HCN1: variants seen among roughly 807,000 people sequenced by gnomAD.
HCN1 encodes the protein potassium/sodium hyperpolarization-activated cyclic nucleotide-gated channel 1.
HCN1 carries 13 observed loss-of-function variants against 78.9 expected under a neutral mutation model. The observed-to-expected ratio is 0.16, with a 90% confidence interval of 0.11 to 0.26. The LOEUF (loss-of-function observed/expected upper bound fraction) is 0.26, where lower values mean the gene tolerates loss of function less well. Among genes scored for constraint, HCN1 ranks in the 10% least tolerant of loss-of-function variants. The pLI, the probability that HCN1 is intolerant of heterozygous loss-of-function variation, is 1.00. For synonymous variants in HCN1, 552 were observed against 455.5 expected, an observed-to-expected ratio of 1.21 and a Z score of -2.70; for missense variants, 810 against 1,154.3, an observed-to-expected ratio of 0.70 and a Z score of 4.32.
chr5:45,458,711 G>C (rs1018675047), intron 3 of HCN1, among the ~76,000 whole-genome samples: 1 of 152,060 alleles, frequency 6.6e-6, no homozygotes, highest in African/African-American at 2.4e-5. Flanking sequence ...TTCTACTCTT[G>C]GTTCTATAAT....
Position 45,262,118 on chromosome 5 carries a change from C to A in HCN1, c.2476G>T (p.Gly826Cys), listed in dbSNP as rs1262369935. 1 of 1,612,678 alleles carries A rather than the reference C, an allele frequency of 6.2e-7. No homozygotes were observed. Among genetic ancestry groups the A allele is most frequent in the Non-Finnish European group, 8.5e-7 (1 of 1,179,144 alleles). The change falls in exon 8 of 8, where the codon GGC becomes TGC. Residue 826 changes from glycine (G) to cysteine (C), a missense_variant. By Grantham distance (159) the Gly-to-Cys change is radical. This residue lies in a region of HCN1 where 398 missense variants were observed against 381.3 expected (regional missense o/e 1.04). Transcript: ENST00000303230. ...GTGCTCCTGCCCCCTGCCTGAAGGC[C>A]CGTTCCGGGGACCGCCGTCACGGGT... ...PQPVTAVPGT[G>C]LQAGGRSTVP...
At chr5:45,464,056 G>T (rs181220002) in intron 2 of HCN1, among the ~76,000 whole-genome samples, 1 of 152,028 alleles carries the variant, frequency 6.6e-6, no homozygotes, top group Non-Finnish European at 1.5e-5. Flanking sequence ...AACTAGCATC[G>T]ATTCTTGGTA....
At chr5:45,676,579 T>C (rs760205834) in intron 1 of HCN1, among the ~76,000 whole-genome samples, 59 of 151,702 alleles carry the variant, frequency 3.9e-4, no homozygotes, top group Middle Eastern at 3.4e-3. Flanking sequence ...CAAAAGGAGG[T>C]AGAAGACATA....
intron 3 of HCN1, among the ~76,000 whole-genome samples, chr5:45,421,565 A>T (rs1301203203): frequency 6.6e-6 from 1 of 152,186 alleles, no homozygotes; most frequent in Non-Finnish European, 1.5e-5. Flanking sequence ...CAAAACAAAA[A>T]AAAACCAAGA....
chr5:45,620,171 A>G (rs1745028091), intron 2 of HCN1, among the ~76,000 whole-genome samples: 1 of 152,072 alleles, frequency 6.6e-6, no homozygotes, highest in South Asian at 2.1e-4. Flanking sequence ...GTGGCAAAAA[A>G]CAAGGAAAGA....
intron 4 of HCN1, among the ~76,000 whole-genome samples, chr5:45,371,040 C>T (rs779532729): frequency 4.6e-5 from 7 of 151,938 alleles, no homozygotes; most frequent in Non-Finnish European, 7.4e-5. Context: ...GACGTTGGGA[C>T]ATATATTGGG....
chr5:45,513,147 T>A (rs1742449134), intron 2 of HCN1, among the ~76,000 whole-genome samples: 1 of 152,118 alleles, frequency 6.6e-6, no homozygotes, highest in Admixed American at 6.5e-5. Context: ...GATTTTGGCA[T>A]TACCAGTAAA....
intron 4 of HCN1, among the ~76,000 whole-genome samples, chr5:45,381,521 C>T (rs767105632): frequency 7.2e-5 from 11 of 152,120 alleles, no homozygotes; most frequent in Non-Finnish European, 1.5e-4. Flanking sequence ...GATTCTTTCC[C>T]ATATGACAAT....
chr5:45,353,775 A>C (rs1746959523), intron 4 of HCN1, among the ~76,000 whole-genome samples: 1 of 151,954 alleles, frequency 6.6e-6, no homozygotes, highest in Non-Finnish European at 1.5e-5. Flanking sequence ...TGCCCTGTAA[A>C]TTACTGAGAA....
Position 45,589,222 on chromosome 5 carries a change from T to C in HCN1, c.849+55963A>G, listed in dbSNP as rs1744305590. Among the ~76,000 whole-genome samples, 3 of 152,136 alleles carry C rather than the reference T, an allele frequency of 2.0e-5. No individual in the cohort carries two copies. The South Asian group carries it at 6.2e-4, about 31-fold the overall frequency. ...TAATACACTGTGTGAGTAGGTGTGA[T>C]TGAAAGAGAAGGAGCAATGGGTGTC... On this transcript the variant is annotated intron_variant, in intron 2 of 7. Coordinates refer to ENST00000303230, the MANE Select transcript of HCN1 (RefSeq NM_021072.4).
chr5:45,482,227 T>G (rs1741669422), intron 2 of HCN1, among the ~76,000 whole-genome samples: 1 of 152,136 alleles, frequency 6.6e-6, no homozygotes, highest in Admixed American at 6.6e-5. Context: ...TGCTTCAATG[T>G]CAGGAATTAG....
chr5:45,390,784 T>G (rs1221116679), intron 4 of HCN1, among the ~76,000 whole-genome samples: 1 of 152,156 alleles, frequency 6.6e-6, no homozygotes, highest in Non-Finnish European at 1.5e-5. Flanking sequence ...ACTCCCTCCC[T>G]TATAAAGACT....
chr5:45,377,014 AT>A (rs1192768784), intron 4 of HCN1, among the ~76,000 whole-genome samples: 2 of 152,002 alleles, frequency 1.3e-5, no homozygotes, highest in Non-Finnish European at 2.9e-5. Flanking sequence ...TTGGAATGCT[AT>A]CTTGGACAAG....
At chr5:45,546,755 T>C (rs930616042) in intron 2 of HCN1, among the ~76,000 whole-genome samples, 1 of 151,886 alleles carries the variant, frequency 6.6e-6, no homozygotes, top group Non-Finnish European at 1.5e-5. Context: ...TCATAATCTC[T>C]CAGACCAGAA....
At chr5:45,609,227 C>T (rs1744785617) in intron 2 of HCN1, among the ~76,000 whole-genome samples, 1 of 151,988 alleles carries the variant, frequency 6.6e-6, no homozygotes. Flanking sequence ...TAGGTATACT[C>T]CCTAGAGAAA....
intron 2 of HCN1, among the ~76,000 whole-genome samples, chr5:45,607,904 A>G (rs1052479595): frequency 6.6e-5 from 10 of 151,844 alleles, no homozygotes; most frequent in African/African-American, 2.4e-4. Context: ...ACATTAAAAT[A>G]AATAATAATA....
At chr5:45,565,323 C>T (rs560477290) in intron 2 of HCN1, among the ~76,000 whole-genome samples, 53 of 152,262 alleles carry the variant, frequency 3.5e-4, no homozygotes, top group South Asian at 8.3e-4. Context: ...GCATAGCAGG[C>T]TCAACTCACC....
intron 2 of HCN1, among the ~76,000 whole-genome samples, chr5:45,606,377 T>C (rs1279443261): frequency 6.6e-6 from 1 of 151,632 alleles, no homozygotes; most frequent in Admixed American, 6.6e-5. Context: ...TAATTAAAAA[T>C]AGGAAAAAAA....
At chr5:45,607,294 A>G (rs1744743440) in intron 2 of HCN1, among the ~76,000 whole-genome samples, 1 of 151,828 alleles carries the variant, frequency 6.6e-6, no homozygotes, top group African/African-American at 2.4e-5. Flanking sequence ...GAATAGAACA[A>G]GAAGGGTAGT....
Sources: gnomAD v4.1 joint callset for allele counts (sites outside exome capture counted in the v4.1 genomes callset) on GRCh38, gnomAD v4.1.1 for gene constraint, gnomAD v4.1.1 regional missense constraint, MANE v1.5 for transcripts, NCBI Gene and HGNC (gene_info 2026-07-23, HGNC 2026-07-21) for gene names.